The following APLF variants were observed in gnomAD, a reference collection of about 807,000 sequenced individuals.
APLF encodes aprataxin and PNKP like factor, also known as aprataxin and PNK-like factor.
In APLF, 61 loss-of-function variants were observed where a neutral mutation model predicts 55.6. The ratio of observed to expected loss-of-function variants is 1.10; its 90% CI spans 0.89 to 1.36. The LOEUF (loss-of-function observed/expected upper bound fraction) is 1.36, where lower values mean the gene tolerates loss of function less well. Ranked by LOEUF, APLF falls within the 40% of genes most tolerant of loss-of-function variation. The probability of loss-of-function intolerance (pLI) is 0.00; values close to 1 mark genes in which losing one functional copy is unlikely to be tolerated. For synonymous variants in APLF, 207 were observed against 214.8 expected, an observed-to-expected ratio of 0.96 and a Z score of 0.32; for missense variants, 611 against 602.5, an observed-to-expected ratio of 1.01 and a Z score of -0.15.
intron 3 of APLF, among the ~76,000 whole-genome samples, chr2:68,510,470 G>A (rs1028892057): frequency 2.0e-5 from 3 of 151,690 alleles, no homozygotes; most frequent in Admixed American, 6.6e-5. Context: ...AATTAACACC[G>A]CAATGAGATA....
intron 1 of APLF, among the ~76,000 whole-genome samples, chr2:68,474,359 A>G (rs1177491766): frequency 1.3e-5 from 2 of 152,234 alleles, no homozygotes; most frequent in African/African-American, 2.4e-5. Context: ...TGAAAGTCCC[A>G]ATTCTCTATA....
chr2:68,530,335 T>A (rs1212604044), intron 6 of APLF, among the ~76,000 whole-genome samples: 1 of 152,186 alleles, frequency 6.6e-6, no homozygotes, highest in African/African-American at 2.4e-5. Flanking sequence ...AACATACAAG[T>A]TGACCATGGC....
chr2:68,577,867 G>C lies in APLF; in HGVS notation c.1381G>C (p.Glu461Gln), dbSNP rs1221229078. 2 of 1,613,568 alleles carry C rather than the reference G, an allele frequency of 1.2e-6. No individual in the cohort carries two copies. Among genetic ancestry groups the C allele is most frequent in the African/African-American group, 1.3e-5 (1 of 74,984 alleles). ...TAATGATAATGTTGGGCAACCCAATGAGTATGACCTGAACGACAGCTTTCT... is the reference window on the plus strand; with the variant it reads ...TAATGATAATGTTGGGCAACCCAATCAGTATGACCTGAACGACAGCTTTCT... The part of the protein sequence containing the change: ...EDNDNVGQPN[E>Q]YDLNDSFLDD... The change falls in exon 10 of 10, where the codon GAG becomes CAG. Residue 461 changes from glutamate (E) to glutamine (Q), a missense_variant. Glu to Gln is a conservative substitution (Grantham distance 29). Coordinates refer to ENST00000303795, the MANE Select transcript of APLF (RefSeq NM_173545.3).
At chr2:68,572,100 A>C (rs1397415645) in intron 9 of APLF, among the ~76,000 whole-genome samples, 1 of 139,856 alleles carries the variant, frequency 7.2e-6, no homozygotes. Context: ...GAAAACTATT[A>C]AGGAGGCTTA....
intron 8 of APLF, among the ~76,000 whole-genome samples, chr2:68,559,517 C>G (rs1016848281): frequency 6.6e-6 from 1 of 152,110 alleles, no homozygotes; most frequent in Non-Finnish European, 1.5e-5. Context: ...AACTCTTTCC[C>G]AAGTGTTCTT....
chr2:68,515,503 A>C (rs755621109), intron 5 of APLF: 1 of 834,946 alleles, frequency 1.2e-6, no homozygotes. Flanking sequence ...ATTGTTTTGT[A>C]CTGCAACTGC....
intron 3 of APLF, among the ~76,000 whole-genome samples, chr2:68,509,079 A>G (rs1399699318): frequency 6.6e-6 from 1 of 152,010 alleles, no homozygotes; most frequent in Non-Finnish European, 1.5e-5. Flanking sequence ...TTCGAGATGG[A>G]TTAAAGACTT....
At chr2:68,576,652 A>G (rs1216942917) in intron 9 of APLF, among the ~76,000 whole-genome samples, 2 of 152,190 alleles carry the variant, frequency 1.3e-5, no homozygotes, top group African/African-American at 4.8e-5. Flanking sequence ...TACTGATATT[A>G]AGAAAAATAT....
intron 5 of APLF, among the ~76,000 whole-genome samples, chr2:68,523,902 T>C (rs1403235522): frequency 6.6e-6 from 1 of 151,286 alleles, no homozygotes; most frequent in Non-Finnish European, 1.5e-5. Flanking sequence ...TGGCTTCTCA[T>C]GCAGAAAAAA....
At position 68,537,950 on chromosome 2, in the gene APLF, A is replaced by C; in HGVS notation, c.883A>C (p.Lys295Gln). 1 of 1,613,914 alleles carries C rather than the reference A, an allele frequency of 6.2e-7. No individual in the cohort carries two copies. The highest frequency in any genetic ancestry group is 8.5e-7 in the Non-Finnish European group (1 of 1,179,872). Residue 295 changes from lysine (K) to glutamine (Q), a missense_variant, in exon 7 of 10, where the codon AAA becomes CAA. Transcript: ENST00000303795. ...NNIKTNAQRN[K>Q]LPIEELGKVS... is the part of the protein sequence containing the mutation. ...TATTAAGACTAATGCACAGAGAAACAAACTTCCAATAGAGGAACTTGGTAA... is the reference window on the plus strand; with the variant it reads ...TATTAAGACTAATGCACAGAGAAACCAACTTCCAATAGAGGAACTTGGTAA...
chr2:68,518,295 TA>T (rs1424813543), intron 5 of APLF, among the ~76,000 whole-genome samples: 12 of 115,228 alleles, frequency 1.0e-4, no homozygotes, highest in South Asian at 7.4e-4. Flanking sequence ...ATTAATATAT[TA>T]ATATATTATA....
Position 68,467,792 on chromosome 2 carries a change from G to T in APLF, c.61G>T (p.Gly21Trp). Residue 21 changes from glycine to tryptophan, a missense_variant, in exon 1 of 10, where the codon GGG becomes TGG. Physicochemically the swap from Gly to Trp is radical, Grantham distance 184. Coordinates refer to ENST00000303795, the MANE Select transcript of APLF (RefSeq NM_173545.3). ...CGGTCCCCGGGTGGCCCTGGCGCCC[G>T]GGGAGACGGTGATCGGCCGCGGGCC... is the stretch of plus-strand genomic sequence containing the variant. The part of the protein sequence containing the change: ...DGGPRVALAP[G>W]ETVIGRGPLL... The T allele has an allele frequency of 1.6e-6, 2 of 1,234,122 alleles. No individual in the cohort carries two copies. The highest frequency in any genetic ancestry group is 2.0e-6 in the Non-Finnish European group (2 of 988,158). The allele number at this position is 1,234,122 out of a possible 1,614,324, so 76.4% of individuals were successfully genotyped here.
intron 8 of APLF, among the ~76,000 whole-genome samples, chr2:68,551,309 A>G (rs750208807): frequency 1.3e-5 from 2 of 152,070 alleles, no homozygotes; most frequent in Non-Finnish European, 2.9e-5. Flanking sequence ...AGTTTAACTA[A>G]CGTGCCTAGG....
intron 5 of APLF, among the ~76,000 whole-genome samples, chr2:68,519,075 ATAT>A (rs1209533282): frequency 1.6e-5 from 2 of 124,096 alleles, no homozygotes; most frequent in Non-Finnish European, 3.3e-5. Flanking sequence ...TATAATAATA[ATAT>A]AATATATAAT....
At chr2:68,548,236 C>T (rs1232837618) in intron 8 of APLF, among the ~76,000 whole-genome samples, 1 of 151,750 alleles carries the variant, frequency 6.6e-6, no homozygotes, top group Non-Finnish European at 1.5e-5. Context: ...AAATGAAAAA[C>T]ATTTAATTAT....
chr2:68,481,510 A>AT (rs1487394253), intron 1 of APLF, among the ~76,000 whole-genome samples: 6 of 150,782 alleles, frequency 4.0e-5, no homozygotes, highest in Admixed American at 2.6e-4. Flanking sequence ...TGACTTGATG[A>AT]TTTTTTCTTG....
chr2:68,520,244 A>G (rs111438304), intron 5 of APLF, among the ~76,000 whole-genome samples: 41,918 of 151,634 alleles, frequency 0.28, 7,059 homozygotes, highest in East Asian at 0.59. Context: ...GTTTGCGAAG[A>G]TTTTCTCCCA....
At chr2:68,481,400 G>T (rs993141934) in intron 1 of APLF, among the ~76,000 whole-genome samples, 3 of 151,938 alleles carry the variant, frequency 2.0e-5, no homozygotes, top group Admixed American at 2.0e-4. Context: ...TTGTTTGTTT[G>T]TTTTTTCCTT....
At chr2:68,495,022 C>T (rs916668282) in intron 2 of APLF, among the ~76,000 whole-genome samples, 8 of 152,150 alleles carry the variant, frequency 5.3e-5, no homozygotes, top group African/African-American at 1.9e-4. Context: ...GTATCCCCAC[C>T]CCCATGATTA....
Sources: gnomAD v4.1 joint callset for allele counts (sites outside exome capture counted in the v4.1 genomes callset) on GRCh38, gnomAD v4.1.1 for gene constraint, MANE v1.5 for transcripts, NCBI Gene and HGNC (gene_info 2026-07-23, HGNC 2026-07-21) for gene names.